PITRM1: variants seen among roughly 807,000 people sequenced by gnomAD.
PITRM1 encodes the protein presequence protease, mitochondrial.
PITRM1 carries 100 observed loss-of-function variants against 129.9 expected under a neutral mutation model. The observed-to-expected ratio is 0.77, with a 90% CI of 0.65 to 0.91. PITRM1 has a LOEUF of 0.91. PITRM1 is among the 40% of genes least tolerant of loss of function. PITRM1 has a pLI of 0.00. For synonymous variants in PITRM1, 591 were observed against 508.8 expected (o/e 1.16, Z -2.17); for missense variants, 1,471 against 1,318.3 (o/e 1.12, Z -1.79).
intron 7 of PITRM1, among the ~76,000 whole-genome samples, chr10:3,160,580 C>A (rs930152409): frequency 6.6e-6 from 1 of 152,006 alleles, no homozygotes; most frequent in Non-Finnish European, 1.5e-5. Context: ...GTTAACCTCT[C>A]GCTGTGCCTA....
At chr10:3,171,498 C>T (rs1843353920) in intron 1 of PITRM1, among the ~76,000 whole-genome samples, 1 of 152,166 alleles carries the variant, frequency 6.6e-6, no homozygotes, top group African/African-American at 2.4e-5. Flanking sequence ...GGCTGGAGTG[C>T]AGCGGTGCAA....
rs375356986 is a variant in PITRM1, at chr10:3,148,179, A to G, written c.1984T>C (p.Tyr662His). 6.2e-7 allele frequency: 1 copy of G among 1,613,978 alleles called. No homozygotes were observed. Among genetic ancestry groups the G allele is most frequent in the Non-Finnish European group, 8.5e-7 (1 of 1,179,874 alleles). Residue 662 changes from tyrosine (Y) to histidine (H), a missense_variant, in exon 17 of 27, where the codon TAC (tyrosine) becomes CAC (histidine). Physicochemically the swap from Tyr to His is moderately conservative, Grantham distance 83. Transcript: ENST00000224949. ...VLPDDSHMDTYEQGVLFSSLC... is the reference protein window; with the variant it reads ...VLPDDSHMDTHEQGVLFSSLC... Reference sequence around the variant, plus strand: ...TGACGGTACCAGGCTACCTGCTCGTAGGTGTCCATGTGTGAGTCGTCGGGG... The same window carrying G: ...TGACGGTACCAGGCTACCTGCTCGTGGGTGTCCATGTGTGAGTCGTCGGGG...
At chr10:3,154,195 G>C (rs1186590778) in intron 14 of PITRM1, among the ~76,000 whole-genome samples, 1 of 152,210 alleles carries the variant, frequency 6.6e-6, no homozygotes. Flanking sequence ...CCAATACCAA[G>C]CGTGCATCAT....
At chr10:3,146,566 G>C (rs747910387) in intron 20 of PITRM1, 1 of 152,464 alleles carries the variant, frequency 6.6e-6, no homozygotes, top group Non-Finnish European at 1.5e-5. Flanking sequence ...AGACCGCCCT[G>C]TAGAATCTGC....
At chr10:3,150,925 C>T (rs960719708) in intron 15 of PITRM1, among the ~76,000 whole-genome samples, 3 of 151,934 alleles carry the variant, frequency 2.0e-5, no homozygotes, top group African/African-American at 7.3e-5. Context: ...GAGGACGCCT[C>T]GATTTTTAAA....
At chr10:3,141,275 G>A (rs1436618206) in intron 23 of PITRM1, among the ~76,000 whole-genome samples, 1 of 144,778 alleles carries the variant, frequency 6.9e-6, no homozygotes, top group Non-Finnish European at 1.6e-5. Flanking sequence ...TTTTCAAACA[G>A]TTGGCTTAGA....
At chr10:3,138,157 T>A (rs1839753018) in intron 26 of PITRM1, 33 bp from the exon 27 acceptor site, 1 of 1,576,468 alleles carries the variant, frequency 6.3e-7, no homozygotes, top group East Asian at 2.2e-5. Context: ...CAGCAAGGAC[T>A]GGCTTCTGCG....
At chr10:3,165,110 C>T (rs537256460) in intron 6 of PITRM1, 128 bp downstream of exon 6, 7 of 751,376 alleles carry the variant, frequency 9.3e-6, no homozygotes, top group African/African-American at 7.1e-5. Flanking sequence ...AGCACTGACC[C>T]CAGCTAATTC....
At chr10:3,152,834 C>T (rs1314201837) in intron 14 of PITRM1, among the ~76,000 whole-genome samples, 1 of 152,248 alleles carries the variant, frequency 6.6e-6, no homozygotes, top group Non-Finnish European at 1.5e-5. Flanking sequence ...CCCTGACATC[C>T]AGGGCTCCTT....
At chr10:3,141,645 T>C (rs1564385276) in intron 23 of PITRM1, 1 of 469,876 alleles carries the variant, frequency 2.1e-6, no homozygotes, top group African/African-American at 2.0e-5. Flanking sequence ...GGGCAGACAA[T>C]GATGGGAGGG....
chr10:3,172,823 A>C, upstream of PITRM1: 2 of 1,519,974 alleles, frequency 1.3e-6, no homozygotes, highest in East Asian at 2.5e-5. Flanking sequence ...AACCCGACGC[A>C]GGGCGCGGGG....
intron 6 of PITRM1, among the ~76,000 whole-genome samples, chr10:3,164,490 A>AT (rs887456933): frequency 1.6e-4 from 24 of 152,102 alleles, no homozygotes; most frequent in African/African-American, 5.1e-4. Flanking sequence ...TGAGGTTGCA[A>AT]TTTTTTTGTA....
At chr10:3,153,748 A>T (rs1258606098) in intron 14 of PITRM1, among the ~76,000 whole-genome samples, 4 of 152,228 alleles carry the variant, frequency 2.6e-5, no homozygotes, top group Non-Finnish European at 1.5e-5. Context: ...CAAACTTAGC[A>T]TGATCAAAAT....
At chr10:3,145,504 T>C in intron 21 of PITRM1, 92 bp downstream of exon 21, 1 of 1,085,078 alleles carries the variant, frequency 9.2e-7, no homozygotes, top group South Asian at 1.4e-5. Context: ...CATGCTGGAC[T>C]GCTCTGAGAA....
At chr10:3,155,562 A>G (rs1177193200) in intron 14 of PITRM1, 29 bp downstream of exon 14, 1 of 1,612,378 alleles carries the variant, frequency 6.2e-7, no homozygotes, top group Admixed American at 1.7e-5. Flanking sequence ...CAGGTTAGGG[A>G]CTCGCCAGCT....
intron 2 of PITRM1, among the ~76,000 whole-genome samples, chr10:3,167,452 A>G (rs1842969481): frequency 6.6e-6 from 1 of 152,182 alleles, no homozygotes; most frequent in Admixed American, 6.5e-5. Context: ...ACAGACGAAA[A>G]AACCGAGGCT....
At chr10:3,141,857 CCCAGCG>C (rs1840254037) in intron 23 of PITRM1, 1 of 238,334 alleles carries the variant, frequency 4.2e-6, no homozygotes, top group Non-Finnish European at 8.8e-6. Context: ...CCAGGAGAAA[CCCAGCG>C]CCACTCGGGT....
intron 22 of PITRM1, chr10:3,143,814 T>C (rs1564390974): frequency 6.6e-6 from 4 of 609,684 alleles, no homozygotes; most frequent in Non-Finnish European, 1.3e-5. Flanking sequence ...GCCGTTTATA[T>C]CACAGTTACA....
intron 1 of PITRM1, among the ~76,000 whole-genome samples, chr10:3,171,266 G>C (rs1843332422): frequency 7.1e-6 from 1 of 141,740 alleles, no homozygotes. Context: ...ACATGATACA[G>C]TATTATCCTA....
Sources: allele counts gnomAD v4.1 joint callset (sites outside exome capture counted in the v4.1 genomes callset), GRCh38; gene constraint gnomAD v4.1.1; transcripts MANE v1.5; gene names NCBI Gene and HGNC (gene_info 2026-07-23, HGNC 2026-07-21).